CCDC144A: variants seen among roughly 807,000 people sequenced by gnomAD.
CCDC144A encodes the protein coiled-coil domain containing 144A, also known as coiled-coil domain-containing protein 144A.
Under a neutral mutation model 143.8 loss-of-function variants are expected in CCDC144A, and 41 were observed. The observed-to-expected ratio is 0.29, with a 90% CI of 0.22 to 0.37. CCDC144A has a LOEUF of 0.37. Among genes scored for constraint, CCDC144A ranks in the 10% least tolerant of loss-of-function variants. The pLI, the probability that CCDC144A is intolerant of heterozygous loss-of-function variation, is 1.00. For synonymous variants in CCDC144A, 242 were observed against 517.9 expected (o/e 0.47, Z 7.23); for missense variants, 637 against 1,488.8 (o/e 0.43, Z 9.41).
At chr17:16,676,720 T>C in the CCDC144A span, among the ~76,000 whole-genome samples, 1 of 152,044 alleles carries the variant, frequency 6.6e-6, no homozygotes, top group African/African-American at 2.4e-5. Flanking sequence ...ATTTCCAATC[T>C]TAGTACTGCA....
chr17:16,696,841 T>C (rs1911447149), intron 2 of CCDC144A, among the ~76,000 whole-genome samples: 1 of 151,852 alleles, frequency 6.6e-6, no homozygotes, highest in Non-Finnish European at 1.5e-5. Context: ...CATGGCTGAC[T>C]AATTAGCAAC....
intron 1 of CCDC144A, among the ~76,000 whole-genome samples, chr17:16,691,246 G>A (rs1478417953): frequency 1.3e-5 from 2 of 152,060 alleles, no homozygotes; most frequent in East Asian, 1.9e-4. Flanking sequence ...TTAGGCCCTC[G>A]GGGTTCAGTT....
At chr17:16,683,831 C>G in the CCDC144A span, 2 of 1,402,110 alleles carry the variant, frequency 1.4e-6, no homozygotes, top group East Asian at 4.6e-5. Flanking sequence ...GAAGCCGGCG[C>G]CTCCAGTTAG....
At chr17:16,764,964 A>G (rs1295706565) in intron 15 of CCDC144A, 1 of 123,270 alleles carries the variant, frequency 8.1e-6, no homozygotes. Context: ...AAATGTGACC[A>G]AACAGAATCA....
chr17:16,675,206 T>C, the CCDC144A span, among the ~76,000 whole-genome samples: 1 of 150,634 alleles, frequency 6.6e-6, no homozygotes, highest in Non-Finnish European at 1.5e-5. Context: ...CAGGTGGAGG[T>C]TGCAGTAAGC....
At chr17:16,686,747 A>AACACACACACACACACACACACAC (rs142329474), upstream of CCDC144A, among the ~76,000 whole-genome samples, 1 of 140,396 alleles carries the variant, frequency 7.1e-6, no homozygotes, top group Non-Finnish European at 1.6e-5. Context: ...CACACACACA[A>AACACACACACACACACACACACAC]ACACACACAC....
chr17:16,690,523 G>C lies in CCDC144A; in HGVS notation c.123G>C (p.Pro41=). The C allele has an allele frequency of 1.9e-6, 3 of 1,613,050 alleles. No individual in the cohort carries two copies. The highest frequency in any genetic ancestry group is 2.5e-6 in the Non-Finnish European group (3 of 1,179,622). The change falls in exon 1 of 17, where the codon CCG becomes CCC. Residue 41 remains proline (P), a synonymous_variant. Coordinates refer to ENST00000399273, the MANE Select transcript of CCDC144A (RefSeq NM_001382000.1). The part of the protein sequence containing the change: ...SQGDQWYLGY[P]GDQWSSGFPY... ...GGGACCAGTGGTACTTGGGCTACCC[G>C]GGGGACCAGTGGTCCTCGGGCTTCC...
chr17:16,725,321 T>A (rs532902294), intron 8 of CCDC144A, among the ~76,000 whole-genome samples: 1 of 152,216 alleles, frequency 6.6e-6, no homozygotes, highest in African/African-American at 2.4e-5. Flanking sequence ...CCCCAGTTCT[T>A]TGTTCTCTTC....
intron 6 of CCDC144A, among the ~76,000 whole-genome samples, chr17:16,715,119 C>G (rs1367687326): frequency 6.6e-6 from 1 of 151,102 alleles, no homozygotes; most frequent in African/African-American, 2.4e-5. Flanking sequence ...TAGTTTTTCT[C>G]CTTTAACACT....
the CCDC144A span, among the ~76,000 whole-genome samples, chr17:16,674,360 G>T: frequency 1.3e-5 from 2 of 152,124 alleles, no homozygotes; most frequent in African/African-American, 4.8e-5. Flanking sequence ...GCTGCAGAAG[G>T]TAAAGTGTCG....
chr17:16,748,380 G>T (rs990731796), intron 12 of CCDC144A, among the ~76,000 whole-genome samples: 6 of 152,148 alleles, frequency 3.9e-5, no homozygotes, highest in Non-Finnish European at 7.4e-5. Context: ...TTCTGTTTAT[G>T]TGGTGAAACA....
rs528174282 is a variant in CCDC144A, at chr17:16,733,912, T to G, written c.2419-778T>G. On this transcript the variant is annotated intron_variant, in intron 11 of 16. Coordinates refer to ENST00000399273, the MANE Select transcript of CCDC144A (RefSeq NM_001382000.1). ...CAACACTTTGGGAGGCCGAGGTGGG[T>G]GGATCACTTGAGCCCAGGAGTTCCA... is the stretch of plus-strand genomic sequence containing the variant. Among the ~76,000 whole-genome samples, 579 of 152,162 alleles carry G rather than the reference T, an allele frequency of 3.8e-3. 6 individuals are homozygous for G. Among genetic ancestry groups the G allele is most frequent in the African/African-American group, 0.013 (551 of 41,482 alleles).
upstream of CCDC144A, among the ~76,000 whole-genome samples, chr17:16,686,474 G>A (rs181565357): frequency 6.6e-6 from 1 of 152,102 alleles, no homozygotes; most frequent in East Asian, 1.9e-4. Flanking sequence ...GCCAGTGGGT[G>A]TGCATATAGA....
intron 8 of CCDC144A, among the ~76,000 whole-genome samples, chr17:16,722,441 A>G (rs3114301): frequency 0.29 from 43,447 of 151,658 alleles, 7,240 homozygotes; most frequent in African/African-American, 0.47. Flanking sequence ...GCCCCCACAC[A>G]TGCATAGCCT....
chr17:16,710,479 C>T (rs866029315), intron 5 of CCDC144A: 1 of 152,616 alleles, frequency 6.6e-6, no homozygotes, highest in African/African-American at 2.4e-5. Context: ...CTGTTTAACT[C>T]AAACTGCTGG....
chr17:16,683,498 T>C, the CCDC144A span: 1 of 1,486,880 alleles, frequency 6.7e-7, no homozygotes. Context: ...GCCGCCGCTC[T>C]CGCGGGTTCG....
chr17:16,716,148 T>A (rs1319053627), intron 6 of CCDC144A, among the ~76,000 whole-genome samples: 1 of 152,064 alleles, frequency 6.6e-6, no homozygotes, highest in African/African-American at 2.4e-5. Flanking sequence ...GAGGAATTGT[T>A]TAATAATTGC....
intron 12 of CCDC144A, among the ~76,000 whole-genome samples, 166 bp from the exon 13 acceptor site, chr17:16,761,259 G>T (rs140075904): frequency 6.6e-6 from 1 of 151,956 alleles, no homozygotes; most frequent in Non-Finnish European, 1.5e-5. Flanking sequence ...GCCTGAACCC[G>T]GGAGGCAGAG....
chr17:16,729,922 C>T (rs2143226562), intron 9 of CCDC144A, among the ~76,000 whole-genome samples: 1 of 141,028 alleles, frequency 7.1e-6, no homozygotes, highest in East Asian at 2.0e-4. Flanking sequence ...TTAGTGCGCC[C>T]ATCACCTGAG....
Sources: gnomAD v4.1 joint callset for allele counts (sites outside exome capture counted in the v4.1 genomes callset) on GRCh38, gnomAD v4.1.1 for gene constraint, MANE v1.5 for transcripts, NCBI Gene and HGNC (gene_info 2026-07-23, HGNC 2026-07-21) for gene names.